PIGS: variants seen among roughly 807,000 people sequenced by gnomAD.
PIGS encodes GPI-anchor transamidase component PIGS.
Under a neutral mutation model 58.2 loss-of-function variants are expected in PIGS, and 37 were observed. The ratio of observed to expected loss-of-function variants is 0.64; its 90% CI spans 0.49 to 0.84. PIGS has a LOEUF of 0.84. Ranked by LOEUF, PIGS falls within the 40% of genes least tolerant of loss-of-function variation. The pLI, the probability that PIGS is intolerant of heterozygous loss-of-function variation, is 0.00. For missense variants in PIGS, 629 were observed against 710.8 expected, an observed-to-expected ratio of 0.88 and a Z score of 1.31; for synonymous variants, 269 against 289.2, an observed-to-expected ratio of 0.93 and a Z score of 0.71.
chr17:28,554,408 C>A lies in PIGS; in HGVS notation c.1480G>T (p.Ala494Ser), dbSNP rs114331597. Residue 494 changes from alanine (A) to serine (S), a missense_variant, in exon 12 of 12, where the codon GCT (alanine) becomes TCT (serine). Transcript: ENST00000308360. ...LASAFVASQEAVTSSELAFFD... is the reference protein window; with the variant it reads ...LASAFVASQESVTSSELAFFD... ...AAGGCAAGCTCAGAGGATGTCACAG[C>A]TTCCTGGCTGGCGACAAAGGCAGAT... The A allele has an allele frequency of 1.9e-4, 305 of 1,614,202 alleles. No homozygotes were observed. Among genetic ancestry groups the A allele is most frequent in the Non-Finnish European group, 2.5e-4 (292 of 1,180,036 alleles).
chr17:28,564,500 G>T (rs1352018536), intron 3 of PIGS, among the ~76,000 whole-genome samples: 1 of 152,032 alleles, frequency 6.6e-6, no homozygotes, highest in Admixed American at 6.5e-5. Flanking sequence ...GATCACCTGA[G>T]GTCAGGAGTT....
Position 28,553,953 on chromosome 17 carries a change from C to T in PIGS, c.*267G>A. The T allele has an allele frequency of 4.1e-6, 2 of 492,864 alleles. No homozygotes were observed. The highest frequency in any genetic ancestry group is 4.5e-5 in the South Asian group (2 of 44,852). 30.5% of individuals were successfully genotyped at this position (492,864 alleles called of 1,614,324 possible). A position where few individuals can be genotyped will look rare whatever the true frequency, so the allele number is the denominator to read the frequency against. ...AGTCCTTGCCACAGAGGGAGACAGG[C>T]AGCAGCCTTATCAAACAAGATAAGG... On this transcript the variant is annotated 3_prime_UTR_variant, in exon 12 of 12. Coordinates refer to ENST00000308360, the MANE Select transcript of PIGS (RefSeq NM_033198.4).
chr17:28,558,197 T>TC, intron 8 of PIGS, among the ~76,000 whole-genome samples: 1 of 152,280 alleles, frequency 6.6e-6, no homozygotes, highest in East Asian at 1.9e-4. Flanking sequence ...TTCTAGCTAC[T>TC]CGAGAGGCTG....
In PIGS at chr17:28,554,254, C is replaced by G; in HGVS notation, c.1634G>C (p.Arg545Pro). ...CTTCTCAGGCTTTCTCCAGGACTTG[C>G]GGGTCTCCAGGAAGATCTTGACCAG... ...LSLVKIFLET[R>P]KSWRKPEKTD Residue 545 changes from arginine to proline, a missense_variant, in exon 12 of 12, where the codon CGC becomes CCC. Physicochemically the swap from Arg to Pro is moderately radical, Grantham distance 103. Coordinates refer to ENST00000308360, the MANE Select transcript of PIGS (RefSeq NM_033198.4). 5 of 1,614,100 alleles carry G rather than the reference C, an allele frequency of 3.1e-6. No homozygotes were observed. The highest frequency in any genetic ancestry group is 4.2e-6 in the Non-Finnish European group (5 of 1,180,000).
At chr17:28,566,963 G>A (rs994947338) in intron 3 of PIGS, among the ~76,000 whole-genome samples, 2 of 152,156 alleles carry the variant, frequency 1.3e-5, no homozygotes, top group Non-Finnish European at 2.9e-5. Context: ...TTTCAAGGCT[G>A]CAGTAAGCTA....
chr17:28,559,361 T>C (rs911862875), intron 7 of PIGS, among the ~76,000 whole-genome samples: 6 of 151,270 alleles, frequency 4.0e-5, no homozygotes, highest in African/African-American at 1.5e-4. Flanking sequence ...TCTGCTGGGC[T>C]CCATCACTCA....
chr17:28,558,680 A>C, intron 7 of PIGS, 90 bp from the exon 8 acceptor site: 1 of 1,034,140 alleles, frequency 9.7e-7, no homozygotes, highest in Non-Finnish European at 1.5e-6. Flanking sequence ...AAAAGACACA[A>C]TCAGGACAAG....
intron 10 of PIGS, 26 bp downstream of exon 10, chr17:28,556,140 C>A (rs765822444): frequency 6.3e-7 from 1 of 1,578,808 alleles, no homozygotes; most frequent in Admixed American, 1.7e-5. Flanking sequence ...AGACTATGTC[C>A]CCAAGTGGAT....
In PIGS at chr17:28,571,024, C is replaced by T. The variant is rs1181228517; in HGVS notation, c.174+25G>A. The T allele has an allele frequency of 1.9e-6, 3 of 1,614,114 alleles. No individual in the cohort carries two copies. In the South Asian group the frequency reaches 3.3e-5, roughly 18 times the overall value. On this transcript the variant is annotated intron_variant, in intron 2 of 11. Coordinates refer to ENST00000308360, the MANE Select transcript of PIGS (RefSeq NM_033198.4). Reference sequence around the variant, plus strand: ...CCACCTTGCCGGGGGGGCTGTCCCCCGACCCTCCCGCACAGCAGTCTCACC... The same window carrying T: ...CCACCTTGCCGGGGGGGCTGTCCCCTGACCCTCCCGCACAGCAGTCTCACC...
chr17:28,565,709 T>C (rs1174955638), intron 3 of PIGS, among the ~76,000 whole-genome samples: 1 of 152,080 alleles, frequency 6.6e-6, no homozygotes, highest in Non-Finnish European at 1.5e-5. Flanking sequence ...GGGAACACAG[T>C]GAGACCCCGT....
chr17:28,560,258 C>G lies in PIGS; in HGVS notation c.677-67G>C. The G allele has an allele frequency of 3.3e-6, 5 of 1,522,680 alleles. No individual in the cohort carries two copies. The Admixed American group carries it at 8.2e-5, about 25-fold the overall frequency. The allele number at this position is 1,522,680 out of a possible 1,614,324, so 94.3% of individuals were successfully genotyped here. A position where few individuals can be genotyped will look rare whatever the true frequency, so the allele number is the denominator to read the frequency against. On this transcript the variant is annotated intron_variant, in intron 6 of 11. Coordinates refer to ENST00000308360, the MANE Select transcript of PIGS (RefSeq NM_033198.4). ...TCAAAGAAGAGGGGCAGCCTGTACT[C>G]CCAGCTGAGCTGAACTTGTTTCTCC...
Position 28,556,447 on chromosome 17 carries a change from C to A in PIGS, c.1081-181G>T. 3 of 708,276 alleles carry A rather than the reference C, an allele frequency of 4.2e-6. No homozygotes were observed. In the Middle Eastern group the frequency reaches 6.9e-4, roughly 162 times the overall value. The allele number at this position is 708,276 out of a possible 1,614,324, so 43.9% of individuals were successfully genotyped here. On this transcript the variant is annotated intron_variant, in intron 9 of 11. Coordinates refer to ENST00000308360, the MANE Select transcript of PIGS (RefSeq NM_033198.4). ...AGCATTAAATACATTATCCCAATTA[C>A]CCCCTTGAAAGTCCTGTAGAACATA...
At chr17:28,557,807 TCAG>T in intron 8 of PIGS, among the ~76,000 whole-genome samples, 1 of 152,350 alleles carries the variant, frequency 6.6e-6, no homozygotes, top group African/African-American at 2.4e-5. Flanking sequence ...TCAACCTCAA[TCAG>T]CAGAACTGTC....
chr17:28,558,031 G>A (rs1277067039), intron 8 of PIGS, among the ~76,000 whole-genome samples: 3 of 152,232 alleles, frequency 2.0e-5, no homozygotes, highest in African/African-American at 7.2e-5. Context: ...CTAGGGCTCA[G>A]GCATAGTGGC....
chr17:28,571,482 C>T lies in PIGS; in HGVS notation c.15G>A (p.Gly5=). 2 of 1,608,760 alleles carry T rather than the reference C, an allele frequency of 1.2e-6. No individual in the cohort carries two copies. Among genetic ancestry groups the T allele is most frequent in the South Asian group, 1.1e-5 (1 of 90,280 alleles). Residue 5 remains glycine (G), a synonymous_variant, in exon 1 of 12, where the codon GGG becomes GGA. Transcript: ENST00000308360. The stretch of plus-strand genomic sequence containing the variant: ...CCGCACCTAGGTGTGTAGCCGCAGC[C>T]CCGGCGGCCGCCATGCTAGCTTCCG... The part of the protein sequence containing the change: MAAA[G]AAATHLEVAR...
intron 3 of PIGS, among the ~76,000 whole-genome samples, chr17:28,566,266 C>T (rs984086657): frequency 6.5e-5 from 7 of 107,250 alleles, no homozygotes; most frequent in East Asian, 2.9e-4. Context: ...TCTACTTTTT[C>T]TTTTCTTTTT....
rs1174445864 is a variant in PIGS at position 28,554,879 on chromosome 17, A to G, written c.1364T>C (p.Ile455Thr). 1.9e-6 allele frequency: 3 copies of G among 1,614,114 alleles called. No individual in the cohort carries two copies. Among genetic ancestry groups the G allele is most frequent in the Admixed American group, 1.7e-5 (1 of 60,024 alleles). ...LAQLLGKISNIVIKDDVASEV... is the reference protein window; with the variant it reads ...LAQLLGKISNTVIKDDVASEV... The stretch of plus-strand genomic sequence containing the variant: ...AGATGCCACGTCGTCCTTAATGACA[A>G]TGTTGCTGATCTTGCCCAGAAGCTG... Residue 455 changes from isoleucine (I) to threonine (T), a missense_variant, in exon 11 of 12, where the codon ATT becomes ACT. By Grantham distance (89) the Ile-to-Thr change is moderately conservative. Transcript: ENST00000308360.
At chr17:28,564,673 C>T (rs1041770561) in intron 3 of PIGS, among the ~76,000 whole-genome samples, 6 of 151,708 alleles carry the variant, frequency 4.0e-5, no homozygotes, top group East Asian at 1.9e-4. Flanking sequence ...CGAGATCACA[C>T]CATTGCACTC....
intron 7 of PIGS, 84 bp from the exon 8 acceptor site, chr17:28,558,674 G>T: frequency 9.2e-7 from 1 of 1,087,952 alleles, no homozygotes; most frequent in Non-Finnish European, 1.4e-6. Flanking sequence ...CCTTAAAAAA[G>T]ACACAATCAG....
Sources: allele counts gnomAD v4.1 joint callset (sites outside exome capture counted in the v4.1 genomes callset), GRCh38; gene constraint gnomAD v4.1.1; transcripts MANE v1.5; gene names NCBI Gene and HGNC (gene_info 2026-07-23, HGNC 2026-07-21).